The following COL4A2 variants were observed in gnomAD, a reference collection of about 807,000 sequenced individuals.
COL4A2 encodes the protein collagen alpha-2(IV) chain.
A neutral mutation model predicts 200.2 loss-of-function variants in COL4A2; 99 were observed. That is an observed-to-expected ratio of 0.49 (90% CI 0.42 to 0.58). The LOEUF (loss-of-function observed/expected upper bound fraction) is 0.58. COL4A2 is among the 20% of genes least tolerant of loss of function. The pLI, the probability that COL4A2 is intolerant of heterozygous loss-of-function variation, is 0.00. For synonymous variants in COL4A2, 897 were observed against 900.6 expected, an observed-to-expected ratio of 1.00 and a Z score of 0.07; for missense variants, 1,950 against 2,314.1, an observed-to-expected ratio of 0.84 and a Z score of 3.23.
rs447049 is a variant in COL4A2 at position 110,491,639 on chromosome 13, A to G, written c.3454+299A>G. On this transcript the variant is annotated intron_variant, in intron 37 of 47. Transcript: ENST00000360467. ...GTTTGTAAGGGATCCCTTTGCTTGC[A>G]TTGAATATGCAGAAACCCCTATGAA... Among the ~76,000 whole-genome samples the G allele has an allele frequency of 0.28, 42,773 of 151,864 alleles. 6,150 individuals carry two copies. Among genetic ancestry groups the G allele is most frequent in the East Asian group, 0.34 (1,768 of 5,150 alleles).
At chr13:110,455,289 G>A (rs1012948925) in intron 20 of COL4A2, among the ~76,000 whole-genome samples, 1 of 152,108 alleles carries the variant, frequency 6.6e-6, no homozygotes, top group South Asian at 2.1e-4. Context: ...ACCACTCTGC[G>A]GGCGCTGGCC....
At chr13:110,436,478 A>G (rs1020095176) in intron 13 of COL4A2, 111 bp downstream of exon 13, 40 of 1,378,818 alleles carry the variant, frequency 2.9e-5, no homozygotes, top group Non-Finnish European at 3.6e-5. Flanking sequence ...CTCACCACCA[A>G]CTTGGCACAT....
At chr13:110,330,898 G>C (rs1875878721) in intron 3 of COL4A2, among the ~76,000 whole-genome samples, 1 of 152,146 alleles carries the variant, frequency 6.6e-6, no homozygotes, top group African/African-American at 2.4e-5. Flanking sequence ...TTGGTAATCA[G>C]ACTATTAGGC....
At chr13:110,510,540 A>C (rs12584142) in intron 47 of COL4A2, among the ~76,000 whole-genome samples, 16,214 of 152,242 alleles carry the variant, frequency 0.11, 990 homozygotes, top group Admixed American at 0.19. Flanking sequence ...AGAGAAGCAC[A>C]TTGGAAAGGG....
rs753801111 is a variant in COL4A2 at position 110,457,346 on chromosome 13, T to G, written c.1343T>G (p.Phe448Cys). The change falls in exon 21 of 48, where the codon TTC (phenylalanine) becomes TGC (cysteine). Residue 448 changes from phenylalanine to cysteine, a missense_variant. Around this residue, in one of 2 missense-constraint regions of COL4A2, gnomAD observed 1,385 missense variants for 1,720.5 expected, o/e 0.80. Transcript: ENST00000360467. Reference protein sequence around the residue: ...GLPGPPGPDGFLFGLKGAKGR... With the variant: ...GLPGPPGPDGCLFGLKGAKGR... ...GCATCTGTGGTTGTCTCTCTAGGCT[T>G]CCTGTTTGGGCTGAAAGGAGCAAAA... The G allele has an allele frequency of 6.2e-7, 1 of 1,610,768 alleles. No individual in the cohort carries two copies. Among genetic ancestry groups the G allele is most frequent in the Non-Finnish European group, 8.5e-7 (1 of 1,177,090 alleles).
In COL4A2 at chr13:110,474,675, T is replaced by A. The variant is rs1389930027; in HGVS notation, c.2425+1525T>A. ...GCATGCTCACACATGATCACACTCC[T>A]TACACACGTACCCACACACGTGCCT... On this transcript the variant is annotated intron_variant, in intron 29 of 47. Coordinates refer to ENST00000360467, the MANE Select transcript of COL4A2 (RefSeq NM_001846.4). Among the ~76,000 whole-genome samples, 67 of 104,422 alleles carry A rather than the reference T, an allele frequency of 6.4e-4. 1 individual carries two copies. Among genetic ancestry groups the A allele is most frequent in the East Asian group, 1.6e-3 (5 of 3,064 alleles). The allele number at this position is 104,422 out of a possible 152,430, so 68.5% of individuals were successfully genotyped here.
chr13:110,489,239 G>T (rs372740408), intron 34 of COL4A2, among the ~76,000 whole-genome samples: 13 of 152,028 alleles, frequency 8.6e-5, no homozygotes, highest in African/African-American at 2.4e-4. Flanking sequence ...CTGTCTCAAA[G>T]AAATAAATAA....
chr13:110,325,329 C>T (rs765846904), intron 3 of COL4A2, among the ~76,000 whole-genome samples: 9 of 152,332 alleles, frequency 5.9e-5, no homozygotes, highest in South Asian at 2.1e-4. Flanking sequence ...CCTGTTACCT[C>T]CCTAAGTTGT....
chr13:110,413,844 C>G (rs946022761), intron 4 of COL4A2, among the ~76,000 whole-genome samples: 2 of 152,194 alleles, frequency 1.3e-5, no homozygotes, highest in African/African-American at 4.8e-5. Flanking sequence ...ATGTGGGACC[C>G]TCAGGGCTTG....
At chr13:110,330,619 T>C (rs755921048) in intron 3 of COL4A2, among the ~76,000 whole-genome samples, 5 of 152,184 alleles carry the variant, frequency 3.3e-5, no homozygotes, top group Admixed American at 1.3e-4. Flanking sequence ...AAGTGTCCGA[T>C]GTCTGTCTAC....
chr13:110,413,040 G>A (rs1879905863), intron 4 of COL4A2, among the ~76,000 whole-genome samples: 2 of 152,168 alleles, frequency 1.3e-5, no homozygotes, highest in South Asian at 2.1e-4. Context: ...GATGTTTTCC[G>A]GTAGATGAAG....
At chr13:110,335,095 TC>T (rs1876116647) in intron 3 of COL4A2, among the ~76,000 whole-genome samples, 2 of 152,186 alleles carry the variant, frequency 1.3e-5, no homozygotes, top group South Asian at 4.2e-4. Context: ...ACACTTCTCA[TC>T]CCTGGGCTTC....
Position 110,307,962 on chromosome 13 carries a change from G to A in COL4A2, c.44+15G>A, listed in dbSNP as rs371295752. Reference sequence around the variant, plus strand: ...GCCCTACGGCGGTAAGCGACTTTCTGCCTGGTCCCCGTGGGTCACGCGCGC... The same window carrying A: ...GCCCTACGGCGGTAAGCGACTTTCTACCTGGTCCCCGTGGGTCACGCGCGC... On this transcript the variant is annotated intron_variant, in intron 2 of 47. Coordinates refer to ENST00000360467, the MANE Select transcript of COL4A2 (RefSeq NM_001846.4). The surrounding 1 kb of genome is among the most constrained non-coding windows in gnomAD (Gnocchi z 5.0). The A allele has an allele frequency of 6.2e-7, 1 of 1,612,546 alleles. No individual in the cohort carries two copies. The highest frequency in any genetic ancestry group is 8.5e-7 in the Non-Finnish European group (1 of 1,179,538).
intron 4 of COL4A2, among the ~76,000 whole-genome samples, chr13:110,385,093 TCTA>T (rs1346818795): frequency 6.6e-6 from 1 of 151,930 alleles, no homozygotes; most frequent in Non-Finnish European, 1.5e-5. Flanking sequence ...TAAAACACTG[TCTA>T]CTAAAAATAG....
At chr13:110,449,909 C>A in intron 19 of COL4A2, 120 bp downstream of exon 19, 1 of 1,127,626 alleles carries the variant, frequency 8.9e-7, no homozygotes, top group Non-Finnish European at 1.3e-6. Flanking sequence ...TCCCCACTGA[C>A]TAGTCTTAGC....
At chr13:110,430,645 C>T (rs764962591) in intron 10 of COL4A2, 38 bp downstream of exon 10, 23 of 1,613,632 alleles carry the variant, frequency 1.4e-5, no homozygotes, top group African/African-American at 2.7e-5. Context: ...CTGGGACCAT[C>T]GTCCGGTCAT....
intron 3 of COL4A2, among the ~76,000 whole-genome samples, chr13:110,330,213 C>A (rs1178991348): frequency 6.6e-6 from 1 of 152,148 alleles, no homozygotes; most frequent in Non-Finnish European, 1.5e-5. Context: ...GACTTCATCT[C>A]AAGCAAGCTA....
chr13:110,379,117 C>T (rs1386345308), intron 4 of COL4A2, among the ~76,000 whole-genome samples: 5 of 152,226 alleles, frequency 3.3e-5, no homozygotes, highest in Non-Finnish European at 7.3e-5. Context: ...TGAAAAGGGG[C>T]AGCTTCCTCT....
chr13:110,476,614 C>T (rs926805504), intron 29 of COL4A2, among the ~76,000 whole-genome samples: 21 of 152,352 alleles, frequency 1.4e-4, no homozygotes, highest in African/African-American at 4.8e-4. Flanking sequence ...CAGCCCTGCA[C>T]ACCTGCAGGG....
Sources: gnomAD v4.1 joint callset for allele counts (sites outside exome capture counted in the v4.1 genomes callset) on GRCh38, gnomAD v4.1.1 for gene constraint, gnomAD v4.1.1 regional missense constraint, Gnocchi (gnomAD v3.1) non-coding constraint, MANE v1.5 for transcripts, NCBI Gene and HGNC (gene_info 2026-07-23, HGNC 2026-07-21) for gene names.